The following EYA4 variants were observed in gnomAD, a reference collection of about 807,000 sequenced individuals.
EYA4 encodes the protein protein phosphatase EYA4.
Under a neutral mutation model 87.9 loss-of-function variants are expected in EYA4, and 31 were observed. That is an observed-to-expected ratio of 0.35 (90% CI 0.27 to 0.48). The LOEUF (loss-of-function observed/expected upper bound fraction) is 0.48. Among genes scored for constraint, EYA4 ranks in the 20% least tolerant of loss-of-function variants. The pLI, the probability that EYA4 is intolerant of heterozygous loss-of-function variation, is 0.99. For synonymous variants in EYA4, 263 were observed against 270.6 expected (o/e 0.97, Z 0.28); for missense variants, 678 against 761.4 (o/e 0.89, Z 1.29).
At chr6:133,309,905 A>AT (rs969973661) in intron 2 of EYA4, among the ~76,000 whole-genome samples, 1 of 152,142 alleles carries the variant, frequency 6.6e-6, no homozygotes, top group Non-Finnish European at 1.5e-5. Context: ...AGTTTCTGGG[A>AT]TTTGTAGGAG....
chr6:133,335,415 T>C (rs929308861), intron 2 of EYA4, among the ~76,000 whole-genome samples: 3 of 152,216 alleles, frequency 2.0e-5, no homozygotes, highest in African/African-American at 7.2e-5. Flanking sequence ...TCAACGGATA[T>C]TTATTGAGGA....
chr6:133,311,467 G>A (rs912938242), intron 2 of EYA4, among the ~76,000 whole-genome samples: 3 of 151,658 alleles, frequency 2.0e-5, no homozygotes, highest in Non-Finnish European at 4.4e-5. Flanking sequence ...CTGTGACTAC[G>A]GGTGTATGCC....
At chr6:133,522,577 ATAGT>A (rs1375531877) in intron 17 of EYA4, among the ~76,000 whole-genome samples, 2 of 152,152 alleles carry the variant, frequency 1.3e-5, no homozygotes, top group Non-Finnish European at 2.9e-5. Flanking sequence ...TGGTTAAATA[ATAGT>A]TAATGTTTTT....
chr6:133,411,280 T>G (rs1789209588), intron 3 of EYA4, among the ~76,000 whole-genome samples: 1 of 152,178 alleles, frequency 6.6e-6, no homozygotes, highest in African/African-American at 2.4e-5. Flanking sequence ...TCCCAGGCAG[T>G]GCTGAGTGAA....
chr6:133,374,529 C>T (rs1257647569), intron 2 of EYA4, among the ~76,000 whole-genome samples: 1 of 151,960 alleles, frequency 6.6e-6, no homozygotes, highest in Non-Finnish European at 1.5e-5. Flanking sequence ...TCTACTGTTG[C>T]ACTTAGAGTA....
intron 2 of EYA4, among the ~76,000 whole-genome samples, chr6:133,343,110 T>G (rs989179050): frequency 1.3e-5 from 2 of 152,168 alleles, no homozygotes; most frequent in Non-Finnish European, 2.9e-5. Context: ...TGGACAGTTC[T>G]AGAATGTATG....
At chr6:133,286,287 T>C (rs1160598162) in intron 2 of EYA4, among the ~76,000 whole-genome samples, 1 of 152,198 alleles carries the variant, frequency 6.6e-6, no homozygotes. Context: ...AAATTTTACT[T>C]TCTCTTAGGC....
At chr6:133,318,885 C>T (rs375376905) in intron 2 of EYA4, among the ~76,000 whole-genome samples, 23 of 152,256 alleles carry the variant, frequency 1.5e-4, no homozygotes, top group African/African-American at 4.1e-4. Flanking sequence ...TTTTTACGCA[C>T]GCACTATATT....
At chr6:133,465,241 A>C (rs1744288014) in intron 10 of EYA4, among the ~76,000 whole-genome samples, 1 of 152,198 alleles carries the variant, frequency 6.6e-6, no homozygotes, top group Admixed American at 6.5e-5. Flanking sequence ...TGATTAAAAT[A>C]AGTCATAGGA....
chr6:133,282,498 ATTAT>A (rs1777706521), intron 2 of EYA4, among the ~76,000 whole-genome samples: 1 of 152,116 alleles, frequency 6.6e-6, no homozygotes, highest in Non-Finnish European at 1.5e-5. Flanking sequence ...GATTTCATTA[ATTAT>A]TATCTTCTAT....
intron 3 of EYA4, among the ~76,000 whole-genome samples, chr6:133,409,228 C>T (rs1220490587): frequency 6.6e-6 from 1 of 152,200 alleles, no homozygotes; most frequent in Non-Finnish European, 1.5e-5. Context: ...GATGTATGCA[C>T]TCCCATGTTT....
At chr6:133,300,893 G>A (rs1430820204) in intron 2 of EYA4, among the ~76,000 whole-genome samples, 2 of 152,150 alleles carry the variant, frequency 1.3e-5, no homozygotes, top group African/African-American at 4.8e-5. Context: ...ATAGTTAGAT[G>A]GTTACCACAG....
chr6:133,355,968 G>A (rs1021695915), intron 2 of EYA4, among the ~76,000 whole-genome samples: 8 of 151,990 alleles, frequency 5.3e-5, no homozygotes, highest in African/African-American at 1.9e-4. Flanking sequence ...TCAAGATCAA[G>A]GTGCCAGCAT....
chr6:133,446,701 A>T lies in EYA4; in HGVS notation c.155A>T (p.Lys52Ile), dbSNP rs763983145. 1 of 1,614,060 alleles carries T rather than the reference A, an allele frequency of 6.2e-7. No homozygotes were observed. ...GGTGGTGATACTCCAGGTAGCTCCA[A>T]ACTGGAAAAATCTAATCTCAGCAGC... is the stretch of plus-strand genomic sequence containing the variant. ...VGGGDTPGSS[K>I]LEKSNLSSTS... is the part of the protein sequence containing the mutation. The change falls in exon 4 of 20, where the codon AAA becomes ATA. Residue 52 changes from lysine to isoleucine, a missense_variant. Physicochemically the swap from Lys to Ile is moderately radical, Grantham distance 102 (BLOSUM62 -3). Coordinates refer to ENST00000355286, the MANE Select transcript of EYA4 (RefSeq NM_004100.5).
Position 133,506,577 on chromosome 6 carries a change from A to G in EYA4, c.1281+382A>G, listed in dbSNP as rs148410408. Among the ~76,000 whole-genome samples the G allele has an allele frequency of 1.6e-4, 24 of 152,334 alleles. No homozygotes were observed. The East Asian group carries it at 4.2e-3, about 27-fold the overall frequency. The stretch of plus-strand genomic sequence containing the variant: ...CTATTCATGGTGATAGCGTGGATCA[A>G]TTAATTTTGTGGATAATCTGAAACT... On this transcript the variant is annotated intron_variant, in intron 14 of 19. Transcript: ENST00000355286.
chr6:133,528,762 A>G lies in EYA4; in HGVS notation c.1877A>G (p.Asp626Gly). 1.2e-6 allele frequency: 2 copies of G among 1,613,492 alleles called. No individual in the cohort carries two copies. Among genetic ancestry groups the G allele is most frequent in the Non-Finnish European group, 1.7e-6 (2 of 1,179,702 alleles). The change falls in exon 20 of 20, where the codon GAC (aspartate) becomes GGC (glycine). Residue 626 changes from aspartate (D) to glycine (G), a missense_variant. Asp to Gly is a moderately conservative substitution (Grantham distance 94). Coordinates refer to ENST00000355286, the MANE Select transcript of EYA4 (RefSeq NM_004100.5). ...MPFWRISSHS[D>G]LLALHQALEL... ...TTCTGGAGGATATCCAGTCACTCAG[A>G]CCTCCTGGCTCTCCACCAAGCACTG...
At chr6:133,431,666 G>C (rs1187259223) in intron 3 of EYA4, among the ~76,000 whole-genome samples, 1 of 152,172 alleles carries the variant, frequency 6.6e-6, no homozygotes, top group Non-Finnish European at 1.5e-5. Context: ...ATTGAGATCA[G>C]TCTCCTTAAA....
intron 13 of EYA4, among the ~76,000 whole-genome samples, chr6:133,491,951 C>CAAAAAAAAAAAAAAAAAAAAAAAAAAAA (rs34316449): frequency 1.2e-5 from 1 of 83,740 alleles, no homozygotes; most frequent in African/African-American, 4.7e-5. Context: ...AACTCCGTCT[C>CAAAAAAAAAAAAAAAAAAAAAAAAAAAA]AAAAAAAAAA....
chr6:133,464,377 T>C (rs1488884482), intron 9 of EYA4, among the ~76,000 whole-genome samples: 1 of 152,196 alleles, frequency 6.6e-6, no homozygotes, highest in Non-Finnish European at 1.5e-5. Context: ...CTAAAAACCC[T>C]GTACAAATGT....
Sources: allele counts gnomAD v4.1 joint callset (sites outside exome capture counted in the v4.1 genomes callset), GRCh38; gene constraint gnomAD v4.1.1; transcripts MANE v1.5; gene names NCBI Gene and HGNC (gene_info 2026-07-23, HGNC 2026-07-21).